The following MINDY2 variants were observed in gnomAD, a reference collection of about 807,000 sequenced individuals.
MINDY2 encodes the protein MINDY lysine 48 deubiquitinase 2.
MINDY2 carries 52 observed loss-of-function variants against 68.2 expected under a neutral mutation model. That is an observed-to-expected ratio of 0.76 (90% confidence interval 0.61 to 0.96). MINDY2 has a LOEUF of 0.96. Among genes scored for constraint, MINDY2 ranks in the 40% least tolerant of loss-of-function variants. MINDY2 has a pLI of 0.00. For synonymous variants in MINDY2, 372 were observed against 303.0 expected (o/e 1.23, Z -2.36); for missense variants, 881 against 773.4 (o/e 1.14, Z -1.65).
intron 3 of MINDY2, 77 bp from the exon 4 acceptor site, chr15:58,810,153 T>G: frequency 7.9e-7 from 1 of 1,261,970 alleles, no homozygotes; most frequent in Non-Finnish European, 1.1e-6. Flanking sequence ...TAAAAGTAAA[T>G]GTGCTTGTAC....
intron 1 of MINDY2, among the ~76,000 whole-genome samples, chr15:58,775,813 C>T (rs942409200): frequency 1.1e-4 from 16 of 151,328 alleles, no homozygotes; most frequent in Admixed American, 9.2e-4. Flanking sequence ...TATAAATGTT[C>T]GTTATGCTGT....
intron 2 of MINDY2, among the ~76,000 whole-genome samples, chr15:58,791,694 A>T (rs1204180736): frequency 6.7e-6 from 1 of 148,604 alleles, no homozygotes; most frequent in Admixed American, 6.8e-5. Flanking sequence ...CAAGGAACTG[A>T]ATTTTTAATT....
At chr15:58,852,646 C>T (rs1311253100) in intron 8 of MINDY2, among the ~76,000 whole-genome samples, 2 of 152,200 alleles carry the variant, frequency 1.3e-5, no homozygotes, top group Non-Finnish European at 1.5e-5. Flanking sequence ...TCTTGGATGA[C>T]GTCCTCTACC....
intron 6 of MINDY2, among the ~76,000 whole-genome samples, chr15:58,837,667 T>A (rs1201530995): frequency 2.0e-5 from 3 of 152,046 alleles, no homozygotes; most frequent in African/African-American, 7.2e-5. Context: ...TTGAGGGACA[T>A]CTTATGCATT....
At chr15:58,807,380 G>C (rs1324299727) in intron 3 of MINDY2, among the ~76,000 whole-genome samples, 1 of 115,170 alleles carries the variant, frequency 8.7e-6, no homozygotes, top group Admixed American at 1.2e-4. Flanking sequence ...TTTTGAGACC[G>C]AGTCTTGCTC....
At chr15:58,837,539 CAAAAA>C (rs59471550) in intron 6 of MINDY2, among the ~76,000 whole-genome samples, 1 of 121,640 alleles carries the variant, frequency 8.2e-6, no homozygotes, top group Non-Finnish European at 1.8e-5. Context: ...ATGATGGCAC[CAAAAA>C]AAAAAAAAAA....
At chr15:58,785,135 C>CAAAAAAAAAAAA (rs397719705) in intron 1 of MINDY2, among the ~76,000 whole-genome samples, 15 of 68,460 alleles carry the variant, frequency 2.2e-4, no homozygotes, top group East Asian at 4.5e-4. Flanking sequence ...TGAAGGAAAG[C>CAAAAAAAAAAAA]AAAAAAAAAA....
At chr15:58,853,025 C>T (rs1379292594) in intron 8 of MINDY2, among the ~76,000 whole-genome samples, 1 of 35,636 alleles carries the variant, frequency 2.8e-5, no homozygotes, top group Non-Finnish European at 9.5e-5. Context: ...CAGTCTCGCT[C>T]ATTGCCAACC....
At chr15:58,795,132 C>T (rs1902196203) in intron 2 of MINDY2, among the ~76,000 whole-genome samples, 1 of 151,562 alleles carries the variant, frequency 6.6e-6, no homozygotes, top group South Asian at 2.1e-4. Flanking sequence ...ACCGAGATCG[C>T]GCTACTGCAC....
At chr15:58,797,118 C>T (rs1161078622) in intron 2 of MINDY2, among the ~76,000 whole-genome samples, 1 of 152,082 alleles carries the variant, frequency 6.6e-6, no homozygotes, top group South Asian at 2.1e-4. Flanking sequence ...AAAATATACA[C>T]TGGATTTCAA....
At chr15:58,839,894 G>A (rs1164503382) in intron 6 of MINDY2, among the ~76,000 whole-genome samples, 1 of 149,272 alleles carries the variant, frequency 6.7e-6, no homozygotes, top group Non-Finnish European at 1.5e-5. Flanking sequence ...GTGCAGTGGA[G>A]CAATCTCAGC....
At chr15:58,817,114 A>G (rs1332855106) in intron 4 of MINDY2, among the ~76,000 whole-genome samples, 2 of 152,264 alleles carry the variant, frequency 1.3e-5, no homozygotes, top group African/African-American at 4.8e-5. Flanking sequence ...ATTAGTAAAC[A>G]TGACTACCTT....
intron 2 of MINDY2, among the ~76,000 whole-genome samples, chr15:58,800,383 C>T (rs985804927): frequency 6.6e-6 from 1 of 152,136 alleles, no homozygotes; most frequent in East Asian, 1.9e-4. Flanking sequence ...TCATTCTTCA[C>T]TCCTCTACTT....
At chr15:58,852,977 G>T (rs1422773379) in intron 8 of MINDY2, among the ~76,000 whole-genome samples, 1 of 64,482 alleles carries the variant, frequency 1.6e-5, no homozygotes, top group Non-Finnish European at 2.9e-5. Context: ...TTTTAAGACA[G>T]AGTCTCACTC....
intron 4 of MINDY2, among the ~76,000 whole-genome samples, chr15:58,814,490 G>T (rs1363221529): frequency 6.6e-6 from 1 of 151,726 alleles, no homozygotes; most frequent in Non-Finnish European, 1.5e-5. Context: ...GAGCTCATGT[G>T]ATCCTCCTGC....
In MINDY2 at chr15:58,771,476, G is replaced by T. The variant is rs760478601; in HGVS notation, c.81G>T (p.Gln27His). 1.2e-6 allele frequency: 2 copies of T among 1,612,574 alleles called. No homozygotes were observed. The highest frequency in any genetic ancestry group is 1.3e-5 in the African/African-American group (1 of 75,024). The change falls in exon 1 of 9, where the codon CAG becomes CAT. Residue 27 changes from glutamine to histidine, a missense_variant. Transcript: ENST00000559228. ...AGPASGTGSS[Q>H]EGLQETRLAA... ...CAGCGTCAGGGACAGGTTCTTCGCAGGAAGGGCTACAGGAGACCAGGCTCG... is the reference window on the plus strand; with the variant it reads ...CAGCGTCAGGGACAGGTTCTTCGCATGAAGGGCTACAGGAGACCAGGCTCG...
intron 1 of MINDY2, among the ~76,000 whole-genome samples, chr15:58,787,164 T>C (rs1901561164): frequency 2.1e-5 from 3 of 145,422 alleles, no homozygotes; most frequent in East Asian, 2.0e-4. Context: ...TTTTTTTTTT[T>C]ACTCTGTTGC....
intron 1 of MINDY2, 22 bp from the exon 2 acceptor site, chr15:58,787,884 G>A (rs764785298): frequency 2.0e-6 from 3 of 1,532,866 alleles, no homozygotes; most frequent in East Asian, 2.3e-5. Context: ...TAATTTTATA[G>A]AAATAATATT....
At chr15:58,829,839 G>A (rs1214616221) in intron 5 of MINDY2, among the ~76,000 whole-genome samples, 1 of 152,178 alleles carries the variant, frequency 6.6e-6, no homozygotes, top group African/African-American at 2.4e-5. Flanking sequence ...CAACCACTTT[G>A]TAGCTTGAAG....
Sources: gnomAD v4.1 joint callset for allele counts (sites outside exome capture counted in the v4.1 genomes callset) on GRCh38, gnomAD v4.1.1 for gene constraint, MANE v1.5 for transcripts, NCBI Gene and HGNC (gene_info 2026-07-23, HGNC 2026-07-21) for gene names.